The following TBC1D16 variants were observed in gnomAD, a reference collection of about 807,000 sequenced individuals.
TBC1D16 encodes TBC1 domain family member 16.
Under a neutral mutation model 74.7 loss-of-function variants are expected in TBC1D16, and 58 were observed. The observed-to-expected ratio is 0.78, with a 90% CI of 0.63 to 0.97. The LOEUF is 0.97. Among genes scored for constraint, TBC1D16 ranks in the 50% least tolerant of loss-of-function variants. TBC1D16 has a pLI of 0.00. For synonymous variants in TBC1D16, 493 were observed against 474.7 expected, an observed-to-expected ratio of 1.04 and a Z score of -0.50; for missense variants, 1,014 against 1,079.5, an observed-to-expected ratio of 0.94 and a Z score of 0.85.
chr17:79,978,438 C>T (rs2034432251), intron 3 of TBC1D16, among the ~76,000 whole-genome samples: 1 of 147,170 alleles, frequency 6.8e-6, no homozygotes, highest in African/African-American at 2.5e-5. Context: ...TCTTCTGTTC[C>T]TTTGCCAGCC....
At position 80,035,400 on chromosome 17, in the gene TBC1D16, C is replaced by T. The variant is rs1322472227; in HGVS notation, c.-63+395G>A. On this transcript the variant is annotated intron_variant, in intron 1 of 11. Coordinates refer to ENST00000310924, the MANE Select transcript of TBC1D16 (RefSeq NM_019020.4). This position sits in a 1 kb window ranked among gnomAD's most constrained non-coding sequence, Gnocchi z 5.3. Reference sequence around the variant, plus strand: ...GCACACTTTGGAGGCTGTGTGGGCGCGCGCCGGCACCCCACAAGTTCTCAT... The same window carrying T: ...GCACACTTTGGAGGCTGTGTGGGCGTGCGCCGGCACCCCACAAGTTCTCAT... Among the ~76,000 whole-genome samples, 1 of 152,074 alleles carries T rather than the reference C, an allele frequency of 6.6e-6. No homozygotes were observed. The highest frequency in any genetic ancestry group is 1.5e-5 in the Non-Finnish European group (1 of 68,000).
rs3742 is a variant in TBC1D16, at chr17:79,935,759, A to C, written c.*5100T>G. On this transcript the variant is annotated 3_prime_UTR_variant, in exon 12 of 12. Transcript: ENST00000310924. Reference sequence around the variant, plus strand: ...TGGGTGATTACATTTAAAAACCAAAACAAAACAAAACAAAATACCAAGAAC... The same window carrying C: ...TGGGTGATTACATTTAAAAACCAAACCAAAACAAAACAAAATACCAAGAAC... 0.2 allele frequency: 29,716 copies of C among 152,198 alleles called. 3,590 individuals carry two copies. Among genetic ancestry groups the C allele is most frequent in the African/African-American group, 0.35 (14,356 of 41,468 alleles). 9.4% of individuals were successfully genotyped at this position (152,198 alleles called of 1,614,324 possible).
At chr17:79,963,321 T>C (rs1160654004) in intron 3 of TBC1D16, among the ~76,000 whole-genome samples, 1 of 152,106 alleles carries the variant, frequency 6.6e-6, no homozygotes, top group Non-Finnish European at 1.5e-5. Flanking sequence ...TCCTAGCACC[T>C]AATCTCAGTG....
In TBC1D16 at chr17:79,938,880, C is replaced by T. The variant is rs2143316089; in HGVS notation, c.*1979G>A. On this transcript the variant is annotated 3_prime_UTR_variant, in exon 12 of 12. Coordinates refer to ENST00000310924, the MANE Select transcript of TBC1D16 (RefSeq NM_019020.4). ...TGGCCTGCAGGAGGGATGCAAGAGA[C>T]CACAGAGCAGGGCCAGGTCCGACCT... 6.6e-6 allele frequency: 1 copy of T among 152,462 alleles called. No homozygotes were observed. The highest frequency in any genetic ancestry group is 1.9e-4 in the East Asian group (1 of 5,190). The allele number at this position is 152,462 out of a possible 1,614,324, so 9.4% of individuals were successfully genotyped here.
chr17:80,012,803 A>G (rs986066826), intron 2 of TBC1D16, among the ~76,000 whole-genome samples: 1 of 152,212 alleles, frequency 6.6e-6, no homozygotes, highest in Admixed American at 6.5e-5. Context: ...GGCAGGCCAC[A>G]GCCAGGCTGC....
intron 3 of TBC1D16, among the ~76,000 whole-genome samples, chr17:80,003,068 C>T (rs749530288): frequency 2.8e-4 from 43 of 152,292 alleles, no homozygotes; most frequent in South Asian, 6.2e-4. Context: ...AGGTGGGAAG[C>T]GGCTATGCTT....
Position 79,951,525 on chromosome 17 carries a change from G to A in TBC1D16, c.1014C>T (p.His338=). The change falls in exon 5 of 12, where the codon CAC becomes CAT. Residue 338 remains histidine, a synonymous_variant. Transcript: ENST00000310924. ...CAGACAGCTTGTCCAGGCCGCCGTG[G>A]TGGAAGTGGAAAACCTTGTACTGGC... ...RESQYKVFHF[H]HGGLDKLSDV... is the part of the protein sequence containing the mutation. 2 of 1,614,154 alleles carry A rather than the reference G, an allele frequency of 1.2e-6. No individual in the cohort carries two copies. The highest frequency in any genetic ancestry group is 1.7e-6 in the Non-Finnish European group (2 of 1,180,010).
rs1322217976 is a variant in TBC1D16 at position 79,961,014 on chromosome 17, C to CT, written c.780-8197dup. On this transcript the variant is annotated intron_variant, in intron 3 of 11. Coordinates refer to ENST00000310924, the MANE Select transcript of TBC1D16 (RefSeq NM_019020.4). The surrounding 1 kb of genome is among the most constrained non-coding windows in gnomAD (Gnocchi z 4.8). Reference sequence around the variant, plus strand: ...TACATGGAAAATGTTCACACGAAATCTGTGTGTGAATGTTTATAGCAGTTT... The same window carrying CT: ...TACATGGAAAATGTTCACACGAAATCTTGTGTGTGAATGTTTATAGCAGTTT... 5.9e-5 allele frequency among the ~76,000 whole-genome samples: 9 copies of CT among 152,122 alleles called. No homozygotes were observed. Among genetic ancestry groups the CT allele is most frequent in the Non-Finnish European group, 1.3e-4 (9 of 68,030 alleles).
intron 3 of TBC1D16, among the ~76,000 whole-genome samples, chr17:80,002,062 A>G (rs950935999): frequency 1.3e-5 from 2 of 152,166 alleles, no homozygotes; most frequent in African/African-American, 4.8e-5. Flanking sequence ...AAGGAACGGC[A>G]GGAAACGCAG....
At chr17:79,959,765 A>G (rs1366140089) in intron 3 of TBC1D16, among the ~76,000 whole-genome samples, 1 of 152,256 alleles carries the variant, frequency 6.6e-6, no homozygotes, top group Non-Finnish European at 1.5e-5. Context: ...AAACTTCCAG[A>G]AGAATCCGTA....
At position 79,952,744 on chromosome 17, in the gene TBC1D16, T is replaced by TG. The variant is rs751726756; in HGVS notation, c.853_854insC (p.Glu285AlafsTer63). 1 of 1,612,232 alleles carries TG rather than the reference T, an allele frequency of 6.2e-7. No homozygotes were observed. Among genetic ancestry groups the TG allele is most frequent in the South Asian group, 1.1e-5 (1 of 91,030 alleles). On this transcript the variant is annotated frameshift_variant, in exon 4 of 12. Transcript: ENST00000310924. LOFTEE classifies it high-confidence loss of function. ...CTCCAGGGCGCACACCCGCTGCGGC[T>TG]CGTCCCAGCGTGGGGTCTGCAGGAG...
At chr17:80,028,542 A>G (rs981640555) in intron 1 of TBC1D16, among the ~76,000 whole-genome samples, 8 of 151,490 alleles carry the variant, frequency 5.3e-5, no homozygotes, top group Admixed American at 6.6e-5. Flanking sequence ...AAAGAAAAAG[A>G]AAAAAAAGAA....
At chr17:80,011,965 G>C (rs2144679173) in intron 2 of TBC1D16, among the ~76,000 whole-genome samples, 1 of 152,238 alleles carries the variant, frequency 6.6e-6, no homozygotes, top group South Asian at 2.1e-4. Context: ...TCACACACGG[G>C]GTTGCTGGTG....
Position 79,942,113 on chromosome 17 carries a change from G to C in TBC1D16, c.2002C>G (p.Leu668Val). 35 of 1,612,156 alleles carry C rather than the reference G, an allele frequency of 2.2e-5. No individual in the cohort carries two copies. Among genetic ancestry groups the C allele is most frequent in the Non-Finnish European group, 3.0e-5 (35 of 1,179,648 alleles). Residue 668 changes from leucine to valine, a missense_variant, in exon 11 of 12, where the codon CTG (leucine) becomes GTG (valine). By Grantham distance (32) the Leu-to-Val change is conservative. Transcript: ENST00000310924. ...TGCATGGCCAGGTTTCCGAAGTGCA[G>C]GAGCATCTGGTCCGTGGCCAGCTGC... is the stretch of plus-strand genomic sequence containing the variant. ...EQQLATDQML[L>V]HFGNLAMHMN...
rs1054576142 is a variant in TBC1D16 at position 79,952,752 on chromosome 17, G to A, written c.846C>T (p.Arg282=). 18 of 1,612,160 alleles carry A rather than the reference G, an allele frequency of 1.1e-5. No homozygotes were observed. The highest frequency in any genetic ancestry group is 1.5e-5 in the Non-Finnish European group (18 of 1,179,466). ...CGCACACCCGCTGCGGCTCGTCCCA[G>A]CGTGGGGTCTGCAGGAGGCCGTTGC... ...PDSNGLLQTP[R]WDEPQRVCAL... Residue 282 remains arginine (R), a synonymous_variant, in exon 4 of 12, where the codon CGC becomes CGT. Coordinates refer to ENST00000310924, the MANE Select transcript of TBC1D16 (RefSeq NM_019020.4).
chr17:79,997,310 A>G (rs2035310265), intron 3 of TBC1D16, among the ~76,000 whole-genome samples: 1 of 151,172 alleles, frequency 6.6e-6, no homozygotes, highest in Admixed American at 6.6e-5. Flanking sequence ...GGATGTCACC[A>G]TGGGGGGAAG....
In TBC1D16 at chr17:80,035,769, G is replaced by T. The variant is rs1326356194; in HGVS notation, c.-63+26C>A. 6.8e-6 allele frequency: 1 copy of T among 146,402 alleles called. No individual in the cohort carries two copies. The highest frequency in any genetic ancestry group is 2.5e-5 in the African/African-American group (1 of 40,690). 9.1% of individuals were successfully genotyped at this position (146,402 alleles called of 1,614,324 possible). On this transcript the variant is annotated intron_variant, in intron 1 of 11. Transcript: ENST00000310924. The surrounding 1 kb of genome is among the most constrained non-coding windows in gnomAD (Gnocchi z 5.3). The stretch of plus-strand genomic sequence containing the variant: ...TGGACCCCTCGGACCCCGCCCCCGC[G>T]GCCCCGTCCGGGCCCCGATACCCAC...
chr17:79,949,589 C>A, intron 7 of TBC1D16, 128 bp downstream of exon 7: 4 of 1,234,992 alleles, frequency 3.2e-6, no homozygotes, highest in Non-Finnish European at 4.5e-6. Context: ...CCTGGGAGAC[C>A]CATTTTTGAA....
chr17:79,943,736 A>C (rs536661037), intron 10 of TBC1D16: 1 of 941,708 alleles, frequency 1.1e-6, no homozygotes, highest in East Asian at 7.3e-5. Context: ...TTCTGACTAG[A>C]TCTCATTACA....
Sources: allele counts gnomAD v4.1 joint callset (sites outside exome capture counted in the v4.1 genomes callset), GRCh38; gene constraint gnomAD v4.1.1; non-coding constraint Gnocchi (gnomAD v3.1); transcripts MANE v1.5; gene names NCBI Gene and HGNC (gene_info 2026-07-23, HGNC 2026-07-21).